Variants in MRTFB observed in about 807,000 individuals in gnomAD.
MRTFB encodes myocardin related transcription factor B, also known as myocardin-related transcription factor B.
A neutral mutation model predicts 104.2 loss-of-function variants in MRTFB; 29 were observed. That is an observed-to-expected ratio of 0.28 (90% CI 0.21 to 0.38). The LOEUF (loss-of-function observed/expected upper bound fraction) is 0.38, where lower values mean the gene tolerates loss of function less well. Ranked by LOEUF, MRTFB falls within the 10% of genes least tolerant of loss-of-function variation. The pLI is 1.00. For missense variants in MRTFB, 1,270 were observed against 1,341.6 expected (o/e 0.95, Z 0.83); for synonymous variants, 535 against 519.5 (o/e 1.03, Z -0.41).
intron 3 of MRTFB, among the ~76,000 whole-genome samples, chr16:14,165,895 A>G (rs1392427046): frequency 6.6e-6 from 1 of 152,232 alleles, no homozygotes; most frequent in Non-Finnish European, 1.5e-5. Flanking sequence ...TGTTTTTCAG[A>G]TACTGCTTTG....
At chr16:14,247,569 A>C (rs995294142) in intron 12 of MRTFB, 62 bp downstream of exon 12, 2 of 1,447,900 alleles carry the variant, frequency 1.4e-6, no homozygotes, top group Non-Finnish European at 1.8e-6. Context: ...AACCCTGCTA[A>C]GGAAGGCACC....
chr16:14,218,234 A>G (rs1442385708), intron 7 of MRTFB, among the ~76,000 whole-genome samples: 3 of 151,566 alleles, frequency 2.0e-5, no homozygotes, highest in Admixed American at 6.6e-5. Context: ...AATTTTTTCT[A>G]TTTTTTAGCA....
At chr16:14,004,815 A>G in the MRTFB span, among the ~76,000 whole-genome samples, 1 of 152,214 alleles carries the variant, frequency 6.6e-6, no homozygotes, top group Admixed American at 6.5e-5. Flanking sequence ...AATTACCTCC[A>G]TGACAGCTTT....
intron 3 of MRTFB, among the ~76,000 whole-genome samples, chr16:14,174,166 A>C (rs1382028003): frequency 6.6e-6 from 1 of 152,140 alleles, no homozygotes; most frequent in East Asian, 1.9e-4. Flanking sequence ...TATCAATAAG[A>C]TCTCTTTATT....
intron 9 of MRTFB, among the ~76,000 whole-genome samples, chr16:14,238,294 A>T (rs747473043): frequency 1.4e-4 from 21 of 152,170 alleles, no homozygotes; most frequent in Non-Finnish European, 2.6e-4. Flanking sequence ...AGGAGACAGA[A>T]TTAGGTAAAG....
chr16:14,149,284 A>G (rs1412796470), intron 3 of MRTFB: 1 of 152,186 alleles, frequency 6.6e-6, no homozygotes, highest in East Asian at 1.9e-4. Context: ...CTATTTCACC[A>G]GTTAAATTTT....
At chr16:14,255,527 C>T (rs1024278906) in intron 15 of MRTFB, among the ~76,000 whole-genome samples, 50 of 152,292 alleles carry the variant, frequency 3.3e-4, no homozygotes, top group African/African-American at 1.1e-3. Context: ...ATTCTATTAT[C>T]ATGTTAAAAT....
At chr16:14,113,624 A>G (rs2036388971) in intron 2 of MRTFB, among the ~76,000 whole-genome samples, 1 of 152,130 alleles carries the variant, frequency 6.6e-6, no homozygotes, top group African/African-American at 2.4e-5. Flanking sequence ...GGGACATTGG[A>G]TAATTAGAAG....
the MRTFB span, among the ~76,000 whole-genome samples, chr16:14,010,942 G>A: frequency 6.6e-6 from 1 of 152,228 alleles, no homozygotes; most frequent in Non-Finnish European, 1.5e-5. Flanking sequence ...ATTGGACAGT[G>A]TATTCTAGTA....
intron 3 of MRTFB, among the ~76,000 whole-genome samples, chr16:14,155,096 A>G (rs2038779811): frequency 1.3e-5 from 2 of 151,918 alleles, no homozygotes; most frequent in African/African-American, 4.8e-5. Flanking sequence ...ATGTATATAT[A>G]TTTTTTTGTC....
chr16:14,058,680 CATAT>C, the MRTFB span, among the ~76,000 whole-genome samples: 6 of 117,206 alleles, frequency 5.1e-5, no homozygotes, highest in African/African-American at 3.8e-4. Flanking sequence ...TAAACTAAAA[CATAT>C]TTATTTATTT....
At chr16:14,235,807 A>G (rs1030807086) in intron 9 of MRTFB, among the ~76,000 whole-genome samples, 6 of 152,282 alleles carry the variant, frequency 3.9e-5, no homozygotes, top group East Asian at 3.9e-4. Flanking sequence ...TCACTCTACA[A>G]CGATTATACT....
intron 3 of MRTFB, among the ~76,000 whole-genome samples, chr16:14,181,914 G>T (rs2039783621): frequency 6.6e-6 from 1 of 152,152 alleles, no homozygotes. Context: ...TGGGAAAATG[G>T]ACTTGATTTA....
chr16:14,028,495 A>C, the MRTFB span, among the ~76,000 whole-genome samples: 1 of 152,192 alleles, frequency 6.6e-6, no homozygotes, highest in Non-Finnish European at 1.5e-5. Flanking sequence ...GGGAAGGGAC[A>C]GGATCTCCCC....
At chr16:14,087,162 A>G (rs2141928751) in intron 2 of MRTFB, among the ~76,000 whole-genome samples, 1 of 152,358 alleles carries the variant, frequency 6.6e-6, no homozygotes, top group East Asian at 1.9e-4. Flanking sequence ...TTACTTCTGT[A>G]GTATCTGCAG....
chr16:14,003,045 T>C, the MRTFB span, among the ~76,000 whole-genome samples: 5 of 152,100 alleles, frequency 3.3e-5, no homozygotes, highest in African/African-American at 4.8e-5. Flanking sequence ...CTTACATCTT[T>C]CTTGCAAGGC....
chr16:14,159,780 A>G (rs2038960075), intron 3 of MRTFB, among the ~76,000 whole-genome samples: 1 of 151,160 alleles, frequency 6.6e-6, no homozygotes, highest in Non-Finnish European at 1.5e-5. Context: ...ATACAAAAAA[A>G]TTAGCCGGGC....
chr16:14,085,009 G>A (rs886440556), intron 2 of MRTFB, among the ~76,000 whole-genome samples: 32 of 152,256 alleles, frequency 2.1e-4, no homozygotes, highest in African/African-American at 7.2e-4. Context: ...GAAAAAATTA[G>A]CAAGGCATGG....
chr16:14,201,215 G>C (rs1468968772), intron 3 of MRTFB, among the ~76,000 whole-genome samples: 1 of 152,164 alleles, frequency 6.6e-6, no homozygotes, highest in Non-Finnish European at 1.5e-5. Context: ...TGTGGTGTAG[G>C]TATGCACATT....
Sources: gnomAD v4.1 joint callset for allele counts (sites outside exome capture counted in the v4.1 genomes callset) on GRCh38, gnomAD v4.1.1 for gene constraint, MANE v1.5 for transcripts, NCBI Gene and HGNC (gene_info 2026-07-23, HGNC 2026-07-21) for gene names.